The following GMDS variants were observed in gnomAD, a reference collection of about 807,000 sequenced individuals.
GMDS encodes GDP-mannose 4,6 dehydratase.
A neutral mutation model predicts 49.9 loss-of-function variants in GMDS; 20 were observed. The ratio of observed to expected loss-of-function variants is 0.40; its 90% CI spans 0.28 to 0.58. GMDS has a LOEUF of 0.58. GMDS is among the 20% of genes least tolerant of loss of function. GMDS has a pLI of 0.42. For synonymous variants in GMDS, 177 were observed against 178.6 expected, an observed-to-expected ratio of 0.99 and a Z score of 0.07; for missense variants, 362 against 481.4, an observed-to-expected ratio of 0.75 and a Z score of 2.32.
At chr6:2,061,943 T>C (rs1052244163) in intron 4 of GMDS, among the ~76,000 whole-genome samples, 7 of 152,172 alleles carry the variant, frequency 4.6e-5, no homozygotes, top group African/African-American at 1.7e-4. Context: ...TTTACAGCTT[T>C]GAATTTTGAC....
At position 1,624,048 on chromosome 6, in the gene GMDS, GGCA is replaced by G. The variant is rs1581380843; in HGVS notation, c.*118_*120del. The G allele has an allele frequency of 2.4e-6, 2 of 834,372 alleles. No homozygotes were observed. The highest frequency in any genetic ancestry group is 3.4e-5 in the African/African-American group (2 of 59,500). 51.7% of individuals were successfully genotyped at this position (834,372 alleles called of 1,614,324 possible). A position where few individuals can be genotyped will look rare whatever the true frequency, so the allele number is the denominator to read the frequency against. On this transcript the variant is annotated 3_prime_UTR_variant, in exon 11 of 11. Transcript: ENST00000380815. Reference sequence around the variant, plus strand: ...GCTCTTGCGGCCGGGACAGCGCAGCGGCAGCAGGGGCCGCAGGGGACCCGCAGA... The same window carrying G: ...GCTCTTGCGGCCGGGACAGCGCAGCGGCAGGGGCCGCAGGGGACCCGCAGA...
chr6:2,196,977 G>A (rs2127573327), intron 1 of GMDS, among the ~76,000 whole-genome samples: 1 of 152,296 alleles, frequency 6.6e-6, no homozygotes, highest in Middle Eastern at 3.4e-3. Flanking sequence ...CAAAAAGCCA[G>A]TGAAAATTTA....
intron 7 of GMDS, among the ~76,000 whole-genome samples, chr6:1,767,048 A>T (rs1275537611): frequency 6.6e-6 from 1 of 152,218 alleles, no homozygotes; most frequent in African/African-American, 2.4e-5. Context: ...AAATGAACAA[A>T]CTATAAAATG....
chr6:2,097,167 T>A (rs1006108630), intron 4 of GMDS, among the ~76,000 whole-genome samples: 1 of 152,104 alleles, frequency 6.6e-6, no homozygotes, highest in Non-Finnish European at 1.5e-5. Context: ...AGAAACCCAA[T>A]GGAAGCTGTT....
At chr6:1,779,640 T>C (rs1198178530) in intron 7 of GMDS, among the ~76,000 whole-genome samples, 1 of 152,178 alleles carries the variant, frequency 6.6e-6, no homozygotes, top group Non-Finnish European at 1.5e-5. Flanking sequence ...AAAGCGCTCT[T>C]GTGTTTCCCA....
chr6:1,768,575 G>T (rs548105217), intron 7 of GMDS, among the ~76,000 whole-genome samples: 2 of 152,198 alleles, frequency 1.3e-5, no homozygotes, highest in African/African-American at 4.8e-5. Context: ...TATACAGGTT[G>T]AGTACCCCAA....
chr6:1,805,726 C>T (rs1411542150), intron 7 of GMDS, among the ~76,000 whole-genome samples: 2 of 151,996 alleles, frequency 1.3e-5, no homozygotes, highest in Non-Finnish European at 2.9e-5. Flanking sequence ...ATATTTATCA[C>T]GTTATTTTTA....
At chr6:2,196,582 C>G (rs1393259777) in intron 1 of GMDS, among the ~76,000 whole-genome samples, 1 of 152,126 alleles carries the variant, frequency 6.6e-6, no homozygotes, top group African/African-American at 2.4e-5. Context: ...CAGATCATGC[C>G]TCAGGTTTGC....
At chr6:1,916,010 G>A (rs1319752925) in intron 7 of GMDS, among the ~76,000 whole-genome samples, 2 of 152,200 alleles carry the variant, frequency 1.3e-5, no homozygotes, top group East Asian at 1.9e-4. Flanking sequence ...GACATGTCCC[G>A]CCCAGCCACT....
At chr6:1,808,118 C>A (rs891442246) in intron 7 of GMDS, among the ~76,000 whole-genome samples, 5 of 152,148 alleles carry the variant, frequency 3.3e-5, no homozygotes, top group Non-Finnish European at 7.4e-5. Context: ...AACTTCTTGT[C>A]ATGTATTTGA....
intron 9 of GMDS, among the ~76,000 whole-genome samples, chr6:1,665,247 C>G (rs527438116): frequency 2.6e-4 from 40 of 152,322 alleles, no homozygotes; most frequent in East Asian, 1.2e-3. Flanking sequence ...ATCTCTCCCC[C>G]CTCCTGGCTT....
chr6:2,170,443 C>T (rs891727421), intron 1 of GMDS, among the ~76,000 whole-genome samples: 1 of 151,896 alleles, frequency 6.6e-6, no homozygotes, highest in Admixed American at 6.6e-5. Flanking sequence ...CTGAGCAACA[C>T]AGCAAGACCC....
At chr6:1,649,580 G>T (rs1172841183) in intron 9 of GMDS, among the ~76,000 whole-genome samples, 1 of 152,118 alleles carries the variant, frequency 6.6e-6, no homozygotes, top group Non-Finnish European at 1.5e-5. Flanking sequence ...TAACATGAAG[G>T]CACGTTATCC....
intron 7 of GMDS, among the ~76,000 whole-genome samples, chr6:1,774,525 T>G (rs1258030947): frequency 6.6e-6 from 1 of 152,206 alleles, no homozygotes; most frequent in African/African-American, 2.4e-5. Flanking sequence ...TAAAGTGGAT[T>G]AGGGCCCATC....
At chr6:2,209,075 G>C (rs181093115) in intron 1 of GMDS, among the ~76,000 whole-genome samples, 2 of 152,138 alleles carry the variant, frequency 1.3e-5, no homozygotes, top group Non-Finnish European at 2.9e-5. Flanking sequence ...GTGTTCAGCA[G>C]GGCATTGCAA....
At chr6:1,918,185 C>T (rs1042767245) in intron 7 of GMDS, among the ~76,000 whole-genome samples, 3 of 151,912 alleles carry the variant, frequency 2.0e-5, no homozygotes, top group Non-Finnish European at 4.4e-5. Flanking sequence ...GACGGTTTTC[C>T]ATAATAATAG....
At chr6:2,111,944 C>G (rs1273531952) in intron 4 of GMDS, among the ~76,000 whole-genome samples, 1 of 152,168 alleles carries the variant, frequency 6.6e-6, no homozygotes, top group East Asian at 1.9e-4. Context: ...ATGGAGAGCC[C>G]TGGAGAGGTG....
chr6:1,664,281 G>A (rs540548531), intron 9 of GMDS, among the ~76,000 whole-genome samples: 4 of 152,242 alleles, frequency 2.6e-5, no homozygotes, highest in African/African-American at 9.6e-5. Flanking sequence ...GAAAGTCTGG[G>A]CCAATGAGCT....
rs777025569 is a variant in GMDS at position 1,959,984 on chromosome 6, T to C, written c.539-13A>G. On this transcript the variant is annotated splice_polypyrimidine_tract_variant and intron_variant, in intron 5 of 10. Transcript: ENST00000380815. The stretch of plus-strand genomic sequence containing the variant: ...AGTTTTGCTGCCCCTGTTGGAATAA[T>C]TTTTTTTAAGCAATGAAGTTTGTTG... The C allele has an allele frequency of 2.9e-5, 44 of 1,497,956 alleles. No homozygotes were observed. The Middle Eastern group carries it at 5.2e-4, about 18-fold the overall frequency. 92.8% of individuals were successfully genotyped at this position (1,497,956 alleles called of 1,614,324 possible).
Sources: allele counts gnomAD v4.1 joint callset (sites outside exome capture counted in the v4.1 genomes callset), GRCh38; gene constraint gnomAD v4.1.1; transcripts MANE v1.5; gene names NCBI Gene and HGNC (gene_info 2026-07-23, HGNC 2026-07-21).